GGNBP2: variants seen among roughly 807,000 people sequenced by gnomAD.
GGNBP2 encodes the protein gametogenetin-binding protein 2.
GGNBP2 carries 10 observed loss-of-function variants against 85.9 expected under a neutral mutation model. The observed-to-expected ratio is 0.12, with a 90% CI of 0.07 to 0.20. GGNBP2 has a LOEUF of 0.20. Among genes scored for constraint, GGNBP2 ranks in the 10% least tolerant of loss-of-function variants. The pLI is 1.00. For missense variants in GGNBP2, 595 were observed against 857.8 expected (o/e 0.69, Z 3.83); for synonymous variants, 287 against 285.7 (o/e 1.00, Z -0.05).
chr17:36,582,957 ATAAC>A (rs1049455822), intron 9 of GGNBP2, among the ~76,000 whole-genome samples: 1 of 152,210 alleles, frequency 6.6e-6, no homozygotes, highest in Non-Finnish European at 1.5e-5. Flanking sequence ...TTTTTCAAAA[ATAAC>A]TATTTTCTAA....
intron 2 of GGNBP2, among the ~76,000 whole-genome samples, chr17:36,548,615 C>CAAAAAAAAAAAAAAAAAAAAAAA (rs71159614): frequency 1.3e-4 from 3 of 23,736 alleles, no homozygotes; most frequent in Non-Finnish European, 2.5e-4. Context: ...GACTCTGTCT[C>CAAAAAAAAAAAAAAAAAAAAAAA]AAAAAAAAAA....
intron 3 of GGNBP2, among the ~76,000 whole-genome samples, chr17:36,555,451 T>C (rs913779606): frequency 6.6e-6 from 1 of 152,176 alleles, no homozygotes; most frequent in African/African-American, 2.4e-5. Context: ...CCCAGCACTT[T>C]GGGAGGCCAG....
chr17:36,575,239 G>A, intron 6 of GGNBP2: 1 of 631,548 alleles, frequency 1.6e-6, no homozygotes, highest in South Asian at 1.6e-5. Flanking sequence ...GGCCCCGGAT[G>A]CCACTGCCGA....
At position 36,587,214 on chromosome 17, in the gene GGNBP2, G is replaced by C; in HGVS notation, c.1859G>C (p.Gly620Ala). The stretch of plus-strand genomic sequence containing the variant: ...GAAACGTTGTTTGGTCCCGATTCCG[G>C]AAAAGGTGCCAAGAGCTTAGTTGAA... ...PTETLFGPDS[G>A]KGAKSLVELL... Residue 620 changes from glycine (G) to alanine (A), a missense_variant, in exon 13 of 14, where the codon GGA becomes GCA. Physicochemically the swap from Gly to Ala is moderately conservative, Grantham distance 60. Transcript: ENST00000613102. The C allele has an allele frequency of 6.2e-7, 1 of 1,614,156 alleles. No individual in the cohort carries two copies. Among genetic ancestry groups the C allele is most frequent in the East Asian group, 2.2e-5 (1 of 44,884 alleles).
At position 36,579,289 on chromosome 17, in the gene GGNBP2, A is replaced by T. The variant is rs1330627962; in HGVS notation, c.890A>T (p.Glu297Val). The change falls in exon 8 of 14, where the codon GAA (glutamate) becomes GTA (valine). Residue 297 changes from glutamate to valine, a missense_variant. Physicochemically the swap from Glu to Val is moderately radical, Grantham distance 121. Around this residue, in one of 9 missense-constraint regions of GGNBP2, gnomAD observed 92 missense variants for 183.9 expected, o/e 0.50. Transcript: ENST00000613102. ...AAGACAATAGATATAGCTCAAGAAG[A>T]AGTTCTGACCTGCTTGGGAATTCAT... ...HAKTIDIAQE[E>V]VLTCLGIHLY... is the part of the protein sequence containing the mutation. 6.2e-7 allele frequency: 1 copy of T among 1,614,192 alleles called. No homozygotes were observed. The highest frequency in any genetic ancestry group is 1.7e-5 in the Admixed American group (1 of 60,014).
intron 1 of GGNBP2, 110 bp from the exon 2 acceptor site, chr17:36,545,509 G>T: frequency 2.2e-6 from 1 of 464,530 alleles, no homozygotes. Flanking sequence ...ATCGGGTGAT[G>T]GGAAACGCAG....
intron 6 of GGNBP2, among the ~76,000 whole-genome samples, chr17:36,572,996 A>T (rs2074541549): frequency 6.6e-6 from 1 of 151,156 alleles, no homozygotes; most frequent in Non-Finnish European, 1.5e-5. Context: ...ATAATGTCTA[A>T]GATTCATCTA....
chr17:36,581,643 GC>G, intron 9 of GGNBP2, 105 bp downstream of exon 9: 1 of 752,408 alleles, frequency 1.3e-6, no homozygotes, highest in Non-Finnish European at 2.1e-6. Context: ...ACTTTGGGAG[GC>G]CCAGGGTGGA....
chr17:36,583,879 CA>C (rs1196830610), intron 9 of GGNBP2, among the ~76,000 whole-genome samples: 2 of 152,202 alleles, frequency 1.3e-5, no homozygotes, highest in Non-Finnish European at 2.9e-5. Flanking sequence ...GGCACCTTAT[CA>C]ATGACCTTTT....
intron 6 of GGNBP2, among the ~76,000 whole-genome samples, chr17:36,568,198 AC>A (rs1452064003): frequency 2.2e-4 from 33 of 152,292 alleles, no homozygotes; most frequent in African/African-American, 7.5e-4. Context: ...TGCTAGGATT[AC>A]AGGCATGAGC....
intron 6 of GGNBP2, among the ~76,000 whole-genome samples, chr17:36,571,052 A>G (rs1567826771): frequency 6.6e-6 from 1 of 152,192 alleles, no homozygotes; most frequent in Admixed American, 6.5e-5. Flanking sequence ...ACATCGGCAG[A>G]TACTACACTT....
intron 6 of GGNBP2, chr17:36,576,595 ATGTGTGTGTGTGTGTG>A (rs71159620): frequency 1.9e-5 from 1 of 51,494 alleles, no homozygotes; most frequent in African/African-American, 9.6e-5. Flanking sequence ...ATATATATAT[ATGTGTGTGTGTGTGTG>A]TGTGTGTGTG....
chr17:36,547,219 A>G (rs1162740040), intron 2 of GGNBP2: 1 of 152,208 alleles, frequency 6.6e-6, no homozygotes, highest in Admixed American at 6.5e-5. Flanking sequence ...TAAATAATGC[A>G]TTTCTCAGTT....
At chr17:36,562,341 G>C (rs1450389191) in intron 5 of GGNBP2, among the ~76,000 whole-genome samples, 1 of 151,620 alleles carries the variant, frequency 6.6e-6, no homozygotes, top group Non-Finnish European at 1.5e-5. Flanking sequence ...TAATTTTTTT[G>C]GATTTTTAAT....
chr17:36,579,720 A>G (rs2074626779), intron 8 of GGNBP2, among the ~76,000 whole-genome samples: 1 of 152,224 alleles, frequency 6.6e-6, no homozygotes, highest in Admixed American at 6.5e-5. Flanking sequence ...TATGAAACAT[A>G]ACTAGTGAGG....
intron 6 of GGNBP2, chr17:36,576,593 A>ATGTGTGTGTGTGTGTG (rs1401978308): frequency 3.5e-4 from 16 of 46,026 alleles, no homozygotes; most frequent in Non-Finnish European, 6.1e-4. Context: ...AAATATATAT[A>ATGTGTGTGTGTGTGTG]TATGTGTGTG....
chr17:36,577,225 T>A (rs1437902915), intron 6 of GGNBP2: 1 of 152,244 alleles, frequency 6.6e-6, no homozygotes, highest in Non-Finnish European at 1.5e-5. Context: ...CAGGCTCTAT[T>A]ATTTCTTTCT....
chr17:36,572,354 A>G (rs2074534252), intron 6 of GGNBP2, among the ~76,000 whole-genome samples: 4 of 152,104 alleles, frequency 2.6e-5, no homozygotes, highest in Admixed American at 2.6e-4. Context: ...TTTCTCTCCT[A>G]AAGGAGAGAC....
chr17:36,548,615 CAAAAAAAAAAAAAAAAA>C (rs71159614), intron 2 of GGNBP2, among the ~76,000 whole-genome samples: 421 of 23,738 alleles, frequency 0.018, 13 homozygotes, highest in East Asian at 0.081. Flanking sequence ...GACTCTGTCT[CAAAAAAAAAAAAAAAAA>C]AAAAAAAAAA....
Sources: gnomAD v4.1 joint callset for allele counts (sites outside exome capture counted in the v4.1 genomes callset) on GRCh38, gnomAD v4.1.1 for gene constraint, gnomAD v4.1.1 regional missense constraint, MANE v1.5 for transcripts, NCBI Gene and HGNC (gene_info 2026-07-23, HGNC 2026-07-21) for gene names.